CRYBG2: variants seen among roughly 807,000 people sequenced by gnomAD.
CRYBG2 encodes the protein crystallin beta-gamma domain containing 2.
A neutral mutation model predicts 153.4 loss-of-function variants in CRYBG2; 106 were observed. The ratio of observed to expected loss-of-function variants is 0.69; its 90% confidence interval spans 0.59 to 0.81. The LOEUF is 0.81. CRYBG2 is among the 30% of genes least tolerant of loss of function. The pLI is 0.00. For missense variants in CRYBG2, 1,996 were observed against 2,112.0 expected, an observed-to-expected ratio of 0.95 and a Z score of 1.08; for synonymous variants, 851 against 877.8, an observed-to-expected ratio of 0.97 and a Z score of 0.54.
rs2074152741 is a variant in CRYBG2, at chr1:26,343,103, G to A, written c.3018C>T (p.Asp1006=). 6.4e-7 allele frequency: 1 copy of A among 1,550,406 alleles called. No individual in the cohort carries two copies. Residue 1006 remains aspartate (D), a synonymous_variant, in exon 4 of 20, where the codon GAC becomes GAT. Transcript: ENST00000308182. This position sits in a 1 kb window ranked among gnomAD's most constrained non-coding sequence, Gnocchi z 4.1. ...CQGSGREVWG[D]IVDASGWAPV... The stretch of plus-strand genomic sequence containing the variant: ...GGGCCCAGCCTGAGGCATCAACGAT[G>A]TCTCCCCAGACCTCCCTGCCACTGC...
Position 26,346,204 on chromosome 1 carries a change from C to T in CRYBG2, c.454G>A (p.Glu152Lys), listed in dbSNP as rs767706699. The change falls in exon 2 of 20, where the codon GAG becomes AAG. Residue 152 changes from glutamate (E) to lysine (K), a missense_variant. Transcript: ENST00000308182. The surrounding 1 kb of genome is among the most constrained non-coding windows in gnomAD (Gnocchi z 4.9). ...ELLVPLPGPR[E>K]PSPHPGVGLT... Reference sequence around the variant, plus strand: ...CCTACACCTGGGTGGGGACTTGGCTCTCGGGGCCCAGGCAGGGGAACCAAA... The same window carrying T: ...CCTACACCTGGGTGGGGACTTGGCTTTCGGGGCCCAGGCAGGGGAACCAAA... 18 of 1,572,654 alleles carry T rather than the reference C, an allele frequency of 1.1e-5. No homozygotes were observed. In the South Asian group the frequency reaches 1.7e-4, roughly 15 times the overall value.
Position 26,346,064 on chromosome 1 carries a change from C to A in CRYBG2, c.594G>T (p.Val198=). 6.3e-7 allele frequency: 1 copy of A among 1,587,270 alleles called. No individual in the cohort carries two copies. Among genetic ancestry groups the A allele is most frequent in the South Asian group, 1.1e-5 (1 of 89,984 alleles). ...GGGCCTCGCCTGAGGACACTGGCCTCACAGTCACAGAGCTGCTCATCCGCC... is the reference window on the plus strand; with the variant it reads ...GGGCCTCGCCTGAGGACACTGGCCTAACAGTCACAGAGCTGCTCATCCGCC... ...VDRRMSSSVT[V]RPVSSGEALP... The change falls in exon 2 of 20, where the codon GTG becomes GTT. Residue 198 remains valine (V), a synonymous_variant. Transcript: ENST00000308182. The surrounding 1 kb of genome is among the most constrained non-coding windows in gnomAD (Gnocchi z 4.9).
Position 26,339,279 on chromosome 1 carries a change from A to C in CRYBG2, c.3344+11T>G. Reference sequence around the variant, plus strand: ...GTCAAATGAGGGGATTCTAGAATAGACCAGACTCACAGTCCTGCAGAGACG... The same window carrying C: ...GTCAAATGAGGGGATTCTAGAATAGCCCAGACTCACAGTCCTGCAGAGACG... On this transcript the variant is annotated intron_variant, in intron 6 of 19. Transcript: ENST00000308182. The C allele has an allele frequency of 6.2e-7, 1 of 1,610,906 alleles. No individual in the cohort carries two copies. Among genetic ancestry groups the C allele is most frequent in the Non-Finnish European group, 8.5e-7 (1 of 1,178,988 alleles).
intron 1 of CRYBG2, among the ~76,000 whole-genome samples, chr1:26,353,692 C>T (rs2074308842): frequency 6.6e-6 from 1 of 152,160 alleles, no homozygotes; most frequent in Admixed American, 6.5e-5. Context: ...CACCCAGCAC[C>T]TAGGCTGGGT....
At chr1:26,342,167 C>T (rs975944115) in intron 5 of CRYBG2, among the ~76,000 whole-genome samples, 2 of 152,240 alleles carry the variant, frequency 1.3e-5, no homozygotes, top group Middle Eastern at 6.8e-3. Flanking sequence ...GGCAGGTAAC[C>T]CCCACGTTCC....
Position 26,346,902 on chromosome 1 carries a change from C to T in CRYBG2, c.-55-190G>A, listed in dbSNP as rs927846825. Among the ~76,000 whole-genome samples the T allele has an allele frequency of 7.2e-5, 11 of 152,210 alleles. No homozygotes were observed. The highest frequency in any genetic ancestry group is 2.4e-4 in the African/African-American group (10 of 41,454). On this transcript the variant is annotated intron_variant, in intron 1 of 19. Transcript: ENST00000308182. The surrounding 1 kb of genome is among the most constrained non-coding windows in gnomAD (Gnocchi z 4.9). Reference sequence around the variant, plus strand: ...TCTGATTTGGTTGATCAGAGCCCCTCATCCATCCCTCTCCCTGACTTTCAG... The same window carrying T: ...TCTGATTTGGTTGATCAGAGCCCCTTATCCATCCCTCTCCCTGACTTTCAG...
intron 5 of CRYBG2, among the ~76,000 whole-genome samples, 194 bp downstream of exon 5, chr1:26,342,560 C>G (rs1044085541): frequency 6.6e-6 from 1 of 152,270 alleles, no homozygotes; most frequent in South Asian, 2.1e-4. Flanking sequence ...CCAGCACACT[C>G]GGCTAATTTT....
rs1222208475 is a variant in CRYBG2, at chr1:26,328,907, T to G, written c.4315-34A>C. 2.5e-6 allele frequency: 4 copies of G among 1,611,504 alleles called. No homozygotes were observed. In the African/African-American group the frequency reaches 4.0e-5, roughly 16 times the overall value. On this transcript the variant is annotated intron_variant, in intron 15 of 19. Transcript: ENST00000308182. ...CAGGAGACAGAAGAGGGTGAGGCTC[T>G]GAGAGCCCAAGTCCCAGACGCAGCC...
Position 26,343,200 on chromosome 1 carries a change from G to A in CRYBG2, c.2962-41C>T, listed in dbSNP as rs1425741076. 5.8e-6 allele frequency: 9 copies of A among 1,550,520 alleles called. No homozygotes were observed. Among genetic ancestry groups the A allele is most frequent in the African/African-American group, 1.4e-5 (1 of 73,002 alleles). On this transcript the variant is annotated intron_variant, in intron 3 of 19. Coordinates refer to ENST00000308182, the MANE Select transcript of CRYBG2 (RefSeq NM_001039775.4). This position sits in a 1 kb window ranked among gnomAD's most constrained non-coding sequence, Gnocchi z 4.1. ...AGGGGTCCTCAGGCCCTGACCCCAG[G>A]CCCCTGCATCCTGCTGCCCCCACCC...
chr1:26,331,682 C>T, intron 14 of CRYBG2, 64 bp from the exon 15 acceptor site: 1 of 1,588,924 alleles, frequency 6.3e-7, no homozygotes. Context: ...CCAGGTTCCC[C>T]TGAGATACAG....
chr1:26,337,021 C>A, intron 10 of CRYBG2, 41 bp from the exon 11 acceptor site: 1 of 1,609,456 alleles, frequency 6.2e-7, no homozygotes, highest in Non-Finnish European at 8.5e-7. Flanking sequence ...CGCCCACAAA[C>A]CGAAACCCCT....
intron 1 of CRYBG2, among the ~76,000 whole-genome samples, chr1:26,351,522 C>G (rs2074287023): frequency 2.0e-5 from 3 of 152,098 alleles, no homozygotes; most frequent in Non-Finnish European, 1.5e-5. Context: ...AGCCAGGGGC[C>G]AAGGAATTAG....
At chr1:26,324,532 ACAC>A (rs1399581067) in intron 17 of CRYBG2, among the ~76,000 whole-genome samples, 1 of 151,052 alleles carries the variant, frequency 6.6e-6, no homozygotes, top group African/African-American at 2.4e-5. Context: ...ACACACACAC[ACAC>A]AGTTCCATGG....
rs1295916109 is a variant in CRYBG2 at position 26,345,910 on chromosome 1, CA to C, written c.747del (p.Ala250ProfsTer25). On this transcript the variant is annotated frameshift_variant, in exon 2 of 20. Transcript: ENST00000308182. LOFTEE classifies it high-confidence loss of function. ...GCCGTGGGCCTGGGCAGGTGACTGG[CA>C]GGGGGGCTGTGCCCAGCAGGCACGA... ...SNLVPAGHSP[P>X]ASHLPRPTAG... is the part of the protein sequence containing the mutation. 2.5e-6 allele frequency: 4 copies of C among 1,597,258 alleles called. No individual in the cohort carries two copies. Among genetic ancestry groups the C allele is most frequent in the Admixed American group, 1.7e-5 (1 of 59,936 alleles).
intron 14 of CRYBG2, among the ~76,000 whole-genome samples, chr1:26,332,544 T>C (rs1379703339): frequency 6.6e-6 from 1 of 152,074 alleles, no homozygotes; most frequent in Non-Finnish European, 1.5e-5. Context: ...TTCCCTATTG[T>C]TGCCCAGGCT....
At chr1:26,342,055 C>G (rs1188304473) in intron 5 of CRYBG2, among the ~76,000 whole-genome samples, 4 of 152,152 alleles carry the variant, frequency 2.6e-5, no homozygotes, top group Admixed American at 2.6e-4. Flanking sequence ...GCACCGGTGC[C>G]TGGCACATAT....
Position 26,344,387 on chromosome 1 carries a change from C to A in CRYBG2, c.2271G>T (p.Glu757Asp), listed in dbSNP as rs557605871. Reference sequence around the variant, plus strand: ...TCTCCAGGTCAGCGGCCAGGGCCACCTCATCCTCCTCCCTTGATGTCTCTG... The same window carrying A: ...TCTCCAGGTCAGCGGCCAGGGCCACATCATCCTCCTCCCTTGATGTCTCTG... The part of the protein sequence containing the change: ...TCTETSREED[E>D]VALAADLEIF... Residue 757 changes from glutamate to aspartate, a missense_variant, in exon 2 of 20, where the codon GAG (glutamate) becomes GAT (aspartate). Transcript: ENST00000308182. 2 of 1,516,722 alleles carry A rather than the reference C, an allele frequency of 1.3e-6. No individual in the cohort carries two copies. Among genetic ancestry groups the A allele is most frequent in the Admixed American group, 2.1e-5 (1 of 47,140 alleles). The allele number at this position is 1,516,722 out of a possible 1,614,324, so 94.0% of individuals were successfully genotyped here. A position where few individuals can be genotyped will look rare whatever the true frequency, so the allele number is the denominator to read the frequency against.
At chr1:26,333,828 A>T (rs546712082) in intron 14 of CRYBG2, among the ~76,000 whole-genome samples, 1 of 152,256 alleles carries the variant, frequency 6.6e-6, no homozygotes, top group East Asian at 1.9e-4. Flanking sequence ...TGTAATAATT[A>T]TTATTTTAGA....
chr1:26,345,100 C>A lies in CRYBG2; in HGVS notation c.1558G>T (p.Ala520Ser), dbSNP rs778411824. The change falls in exon 2 of 20, where the codon GCT becomes TCT. Residue 520 changes from alanine to serine, a missense_variant. By Grantham distance (99) the Ala-to-Ser change is moderately conservative. Coordinates refer to ENST00000308182, the MANE Select transcript of CRYBG2 (RefSeq NM_001039775.4). ...TQKEVVQGSS[A>S]PAALFPTWKE... ...CAGGTGGGGAACAAGGCAGCAGGAG[C>A]ACTGGACCCCTGCACCACCTCCTTC... is the stretch of plus-strand genomic sequence containing the variant. 3.9e-5 allele frequency: 37 copies of A among 951,742 alleles called. No individual in the cohort carries two copies. In the African/African-American group the frequency reaches 4.9e-4, roughly 13 times the overall value. The allele number at this position is 951,742 out of a possible 1,614,324, so 59.0% of individuals were successfully genotyped here. A position where few individuals can be genotyped will look rare whatever the true frequency, so the allele number is the denominator to read the frequency against.
Sources: gnomAD v4.1 joint callset for allele counts (sites outside exome capture counted in the v4.1 genomes callset) on GRCh38, gnomAD v4.1.1 for gene constraint, Gnocchi (gnomAD v3.1) non-coding constraint, MANE v1.5 for transcripts, NCBI Gene and HGNC (gene_info 2026-07-23, HGNC 2026-07-21) for gene names.